PARM1: variants seen among roughly 807,000 people sequenced by gnomAD.
The protein encoded by PARM1 is prostate androgen-regulated mucin-like protein 1, also known as WSC4, cell wall integrity and stress response component 4 homolog.
PARM1 carries 14 observed loss-of-function variants against 24.6 expected under a neutral mutation model. That is an observed-to-expected ratio of 0.57 (90% CI 0.38 to 0.89). The LOEUF (loss-of-function observed/expected upper bound fraction) is 0.89. PARM1 is among the 40% of genes least tolerant of loss of function. PARM1 has a pLI of 0.00. For missense variants in PARM1, 362 were observed against 380.4 expected, an observed-to-expected ratio of 0.95 and a Z score of 0.40; for synonymous variants, 179 against 156.6, an observed-to-expected ratio of 1.14 and a Z score of -1.07.
rs1473933213 is a variant in PARM1 at position 75,033,878 on chromosome 4, C to T, written c.770-5C>T. ...CTTCTTTTCTGTGCCCTTCCTCCTT[C>T]ACAGGCAGCATCGCCGCCATTACCG... On this transcript the variant is annotated splice_polypyrimidine_tract_variant and splice_region_variant and intron_variant, in intron 2 of 3. Transcript: ENST00000307428. 1.3e-6 allele frequency: 2 copies of T among 1,593,296 alleles called. No individual in the cohort carries two copies. Among genetic ancestry groups the T allele is most frequent in the Non-Finnish European group, 8.6e-7 (1 of 1,169,442 alleles).
chr4:75,044,046 C>CAAA (rs33982391), intron 3 of PARM1, among the ~76,000 whole-genome samples: 2,019 of 135,872 alleles, frequency 0.015, 22 homozygotes, highest in African/African-American at 0.031. Flanking sequence ...TAGTTCTTTG[C>CAAA]AAAAAAAAAA....
chr4:74,951,279 A>G (rs1282976487), intron 1 of PARM1, among the ~76,000 whole-genome samples: 2 of 152,220 alleles, frequency 1.3e-5, no homozygotes, highest in African/African-American at 4.8e-5. Flanking sequence ...TATCATTTAC[A>G]TCACCACGCC....
intron 1 of PARM1, among the ~76,000 whole-genome samples, chr4:74,941,967 G>A (rs1351213822): frequency 1.3e-5 from 2 of 152,172 alleles, no homozygotes; most frequent in Non-Finnish European, 2.9e-5. Flanking sequence ...GAAGCAATAT[G>A]GTGTGCTAAC....
intron 1 of PARM1, among the ~76,000 whole-genome samples, chr4:74,942,308 A>G (rs1721324969): frequency 6.6e-6 from 1 of 152,244 alleles, no homozygotes; most frequent in Non-Finnish European, 1.5e-5. Flanking sequence ...TTGAGAATCT[A>G]CATGTGCTAA....
intron 2 of PARM1, among the ~76,000 whole-genome samples, chr4:75,029,896 G>T (rs896880778): frequency 1.3e-5 from 2 of 151,910 alleles, no homozygotes; most frequent in African/African-American, 4.8e-5. Context: ...AAAAATTCTG[G>T]TAATCTTTTT....
chr4:75,004,916 A>G (rs1362823861), intron 1 of PARM1, among the ~76,000 whole-genome samples: 1 of 152,230 alleles, frequency 6.6e-6, no homozygotes, highest in Non-Finnish European at 1.5e-5. Context: ...TGTTGCATTC[A>G]AGCTTCAGCT....
intron 2 of PARM1, among the ~76,000 whole-genome samples, chr4:75,025,161 C>T (rs542621410): frequency 1.2e-4 from 19 of 152,302 alleles, no homozygotes; most frequent in African/African-American, 4.6e-4. Context: ...TAACTGCAGT[C>T]CATATTCACC....
chr4:75,006,502 A>G (rs934062413), intron 1 of PARM1, among the ~76,000 whole-genome samples: 3 of 152,136 alleles, frequency 2.0e-5, no homozygotes, highest in Non-Finnish European at 2.9e-5. Flanking sequence ...ATAGTATTCC[A>G]TGGTGTATCT....
intron 1 of PARM1, among the ~76,000 whole-genome samples, chr4:74,938,435 A>G (rs1269663193): frequency 1.3e-5 from 2 of 152,320 alleles, no homozygotes; most frequent in East Asian, 3.9e-4. Context: ...AATCAAACTT[A>G]TTTGTCTTGT....
chr4:74,940,582 A>G (rs777879077), intron 1 of PARM1, among the ~76,000 whole-genome samples: 39 of 152,142 alleles, frequency 2.6e-4, no homozygotes, highest in Non-Finnish European at 4.7e-4. Context: ...TCCTAATACC[A>G]TCTTTACCTT....
At chr4:75,017,197 G>A (rs569628682) in intron 2 of PARM1, among the ~76,000 whole-genome samples, 17 of 152,118 alleles carry the variant, frequency 1.1e-4, no homozygotes, top group African/African-American at 3.9e-4. Flanking sequence ...CACCCTTGTC[G>A]GGCAGATCTT....
intron 1 of PARM1, among the ~76,000 whole-genome samples, chr4:75,003,162 G>C (rs182024383): frequency 6.6e-6 from 1 of 151,934 alleles, no homozygotes; most frequent in Admixed American, 6.6e-5. Context: ...TCTCTCCATG[G>C]CCCCACCCTG....
At chr4:74,939,813 G>GA (rs944999981) in intron 1 of PARM1, among the ~76,000 whole-genome samples, 2 of 152,100 alleles carry the variant, frequency 1.3e-5, no homozygotes, top group African/African-American at 4.8e-5. Flanking sequence ...TTGTTAAGTG[G>GA]AAAAAATATT....
intron 2 of PARM1, among the ~76,000 whole-genome samples, chr4:75,025,140 C>G (rs1195722000): frequency 1.3e-5 from 2 of 152,224 alleles, no homozygotes; most frequent in African/African-American, 4.8e-5. Flanking sequence ...CTGAGCAAGA[C>G]GGTGGCATGC....
intron 1 of PARM1, among the ~76,000 whole-genome samples, chr4:74,958,199 A>G (rs1721684840): frequency 6.6e-6 from 1 of 152,198 alleles, no homozygotes; most frequent in African/African-American, 2.4e-5. Context: ...TGAAAGGGTG[A>G]TGACTCTTAA....
intron 1 of PARM1, among the ~76,000 whole-genome samples, chr4:74,953,038 A>G (rs1236404873): frequency 6.6e-6 from 1 of 152,178 alleles, no homozygotes; most frequent in African/African-American, 2.4e-5. Flanking sequence ...AAAAGGTAAG[A>G]TAGTCTATAT....
intron 1 of PARM1, among the ~76,000 whole-genome samples, chr4:74,963,577 C>A (rs2109990627): frequency 6.6e-6 from 1 of 152,182 alleles, no homozygotes; most frequent in Middle Eastern, 3.4e-3. Context: ...TATAGGATTT[C>A]ATTTATATGA....
intron 2 of PARM1, among the ~76,000 whole-genome samples, chr4:75,022,106 A>G (rs1371605270): frequency 6.6e-6 from 1 of 152,168 alleles, no homozygotes. Flanking sequence ...TTTCTCTGCA[A>G]CCTCACCAGT....
At position 75,012,418 on chromosome 4, in the gene PARM1, T is replaced by C. The variant is rs751954500; in HGVS notation, c.44-7T>C. 30 of 1,610,082 alleles carry C rather than the reference T, an allele frequency of 1.9e-5. No individual in the cohort carries two copies. In the Admixed American group the frequency reaches 5.0e-4, roughly 27 times the overall value. Reference sequence around the variant, plus strand: ...TATTAACCACTTTTGTACTGGCTTTTCCACAGGATGGAGGGTACAGAGTCT... The same window carrying C: ...TATTAACCACTTTTGTACTGGCTTTCCCACAGGATGGAGGGTACAGAGTCT... On this transcript the variant is annotated splice_polypyrimidine_tract_variant and splice_region_variant and intron_variant, in intron 1 of 3. Coordinates refer to ENST00000307428, the MANE Select transcript of PARM1 (RefSeq NM_015393.4).
Sources: gnomAD v4.1 joint callset for allele counts (sites outside exome capture counted in the v4.1 genomes callset) on GRCh38, gnomAD v4.1.1 for gene constraint, MANE v1.5 for transcripts, NCBI Gene and HGNC (gene_info 2026-07-23, HGNC 2026-07-21) for gene names.